UBAP2: variants seen among roughly 807,000 people sequenced by gnomAD.
The protein encoded by UBAP2 is ubiquitin-associated protein 2.
UBAP2 carries 75 observed loss-of-function variants against 139.6 expected under a neutral mutation model. The ratio of observed to expected loss-of-function variants is 0.54; its 90% CI spans 0.45 to 0.65. The LOEUF (loss-of-function observed/expected upper bound fraction) is 0.65, where lower values mean the gene tolerates loss of function less well. UBAP2 is among the 30% of genes least tolerant of loss of function. The probability of loss-of-function intolerance (pLI) is 0.00; values close to 1 mark genes in which losing one functional copy is unlikely to be tolerated. For missense variants in UBAP2, 1,368 were observed against 1,369.6 expected, an observed-to-expected ratio of 1.00 and a Z score of 0.02; for synonymous variants, 526 against 526.2, an observed-to-expected ratio of 1.00 and a Z score of 0.01.
chr9:34,022,105 C>T (rs562305323), intron 1 of UBAP2, among the ~76,000 whole-genome samples: 2 of 152,164 alleles, frequency 1.3e-5, no homozygotes, highest in African/African-American at 4.8e-5. Flanking sequence ...ATTAGCCGGG[C>T]ATGGTGGCGC....
intron 16 of UBAP2, among the ~76,000 whole-genome samples, chr9:33,939,419 G>A (rs915372041): frequency 6.6e-6 from 1 of 151,448 alleles, no homozygotes; most frequent in Non-Finnish European, 1.5e-5. Context: ...GGCTGGTCTC[G>A]AACTCCTGAT....
intron 4 of UBAP2, among the ~76,000 whole-genome samples, chr9:33,989,469 G>A (rs886375624): frequency 2.6e-5 from 4 of 152,016 alleles, no homozygotes; most frequent in Non-Finnish European, 5.9e-5. Flanking sequence ...CCAAAGTGCT[G>A]GGATTACAGG....
At chr9:34,032,649 T>G (rs371616879) in intron 1 of UBAP2, among the ~76,000 whole-genome samples, 3 of 152,112 alleles carry the variant, frequency 2.0e-5, no homozygotes, top group Admixed American at 6.6e-5. Flanking sequence ...TTAGGCTGGG[T>G]GTGGTGGCTC....
At chr9:33,976,148 C>T (rs1828327229) in intron 6 of UBAP2, among the ~76,000 whole-genome samples, 1 of 152,036 alleles carries the variant, frequency 6.6e-6, no homozygotes, top group Non-Finnish European at 1.5e-5. Flanking sequence ...AGAAATTCAG[C>T]TAATTAGCTC....
chr9:33,975,853 G>A (rs1436195431), intron 6 of UBAP2, among the ~76,000 whole-genome samples: 2 of 151,364 alleles, frequency 1.3e-5, no homozygotes, highest in Non-Finnish European at 2.9e-5. Context: ...GTAACAGTAT[G>A]GCAGTTCCTC....
At chr9:33,924,558 A>C (rs1823254428) in intron 22 of UBAP2, among the ~76,000 whole-genome samples, 2 of 152,254 alleles carry the variant, frequency 1.3e-5, no homozygotes, top group African/African-American at 4.8e-5. Flanking sequence ...TTGACACCAC[A>C]GGCAGGTGCT....
intron 2 of UBAP2, among the ~76,000 whole-genome samples, chr9:34,013,595 G>A (rs907065645): frequency 4.0e-5 from 6 of 151,888 alleles, no homozygotes; most frequent in Admixed American, 6.6e-5. Flanking sequence ...ACATCTTACC[G>A]GCAGGGCGTG....
chr9:34,042,457 G>A (rs115925851), intron 1 of UBAP2, among the ~76,000 whole-genome samples: 1,689 of 142,228 alleles, frequency 0.012, 37 homozygotes, highest in African/African-American at 0.042. Flanking sequence ...CAGCCCAGGC[G>A]ATAGTGCAAG....
chr9:33,940,169 T>TC (rs1189092721), intron 16 of UBAP2, among the ~76,000 whole-genome samples: 1 of 152,092 alleles, frequency 6.6e-6, no homozygotes, highest in African/African-American at 2.4e-5. Flanking sequence ...TGCAGGCAGA[T>TC]TTAATATGGG....
chr9:34,037,918 C>T (rs111712834), intron 1 of UBAP2, among the ~76,000 whole-genome samples: 2 of 147,140 alleles, frequency 1.4e-5, no homozygotes, highest in African/African-American at 5.0e-5. Flanking sequence ...ATAATCCCAA[C>T]ACTTTGGGAG....
At position 33,944,499 on chromosome 9, in the gene UBAP2, C is replaced by T. The variant is rs765366153; in HGVS notation, c.1411G>A (p.Gly471Arg). The T allele has an allele frequency of 1.1e-5, 18 of 1,614,060 alleles. No individual in the cohort carries two copies. Among genetic ancestry groups the T allele is most frequent in the Non-Finnish European group, 1.4e-5 (17 of 1,180,028 alleles). ...SQAKLRESTP[G>R]DSPSTVNKLL... ...TTGTTCACAGTGGAGGGACTGTCTC[C>T]AGGTGTTGATTCTCGAAGTTTTGCC... The change falls in exon 14 of 29, where the codon GGA becomes AGA. Residue 471 changes from glycine to arginine, a missense_variant. By Grantham distance (125) the Gly-to-Arg change is moderately radical. Transcript: ENST00000379238.
At position 33,980,318 on chromosome 9, in the gene UBAP2, C is replaced by T. The variant is rs552703555; in HGVS notation, c.520+6442G>A. Among the ~76,000 whole-genome samples, 7 of 132,822 alleles carry T rather than the reference C, an allele frequency of 5.3e-5. No homozygotes were observed. In the East Asian group the frequency reaches 7.6e-4, roughly 14 times the overall value. 87.1% of individuals were successfully genotyped at this position (132,822 alleles called of 152,430 possible). The stretch of plus-strand genomic sequence containing the variant: ...CGTGATCTCGGGTCACTACGAGCTC[C>T]GTCTCCCAGGTTCACGCCATTCTCC... On this transcript the variant is annotated intron_variant, in intron 6 of 28. Transcript: ENST00000379238.
intron 8 of UBAP2, among the ~76,000 whole-genome samples, chr9:33,970,289 C>T (rs1261068773): frequency 6.6e-6 from 1 of 151,850 alleles, no homozygotes; most frequent in South Asian, 2.1e-4. Context: ...AGAAGCTTAA[C>T]GATTTTACTA....
intron 6 of UBAP2, among the ~76,000 whole-genome samples, chr9:33,975,443 A>C (rs1184437141): frequency 5.1e-5 from 7 of 136,972 alleles, no homozygotes; most frequent in Admixed American, 3.6e-4. Flanking sequence ...AAAAAAAAAA[A>C]ACAAAAAAAA....
In UBAP2 at chr9:34,013,664, G is replaced by T. The variant is rs1823972700; in HGVS notation, c.99+3386C>A. On this transcript the variant is annotated intron_variant, in intron 2 of 28. Coordinates refer to ENST00000379238, the MANE Select transcript of UBAP2 (RefSeq NM_001370062.2). ...GGCCAAGGTGGGCGGATCACCTGAG[G>T]TCAGAAGTTTGAAACCAGCCTGGCC... 2.0e-5 allele frequency among the ~76,000 whole-genome samples: 3 copies of T among 151,966 alleles called. No homozygotes were observed. In the South Asian group the frequency reaches 6.2e-4, roughly 32 times the overall value.
At chr9:34,020,324 GA>G (rs1469099954) in intron 1 of UBAP2, among the ~76,000 whole-genome samples, 4 of 147,650 alleles carry the variant, frequency 2.7e-5, no homozygotes, top group South Asian at 2.2e-4. Context: ...CAGAGCCAAT[GA>G]TTTTTTTTTT....
intron 20 of UBAP2, among the ~76,000 whole-genome samples, chr9:33,927,407 A>G (rs968763188): frequency 1.3e-5 from 2 of 152,226 alleles, no homozygotes; most frequent in Non-Finnish European, 2.9e-5. Context: ...GAAGCCATGC[A>G]GTGCCAGGAG....
chr9:34,036,133 A>G (rs1266119862), intron 1 of UBAP2, among the ~76,000 whole-genome samples: 1 of 146,328 alleles, frequency 6.8e-6, no homozygotes, highest in Non-Finnish European at 1.5e-5. Context: ...TTTTTTTTTG[A>G]GACGGAGTTT....
intron 5 of UBAP2, among the ~76,000 whole-genome samples, chr9:33,987,047 A>C (rs1192133406): frequency 6.6e-6 from 1 of 152,072 alleles, no homozygotes; most frequent in East Asian, 1.9e-4. Flanking sequence ...CAGCACTTGT[A>C]ATTTCCAGCT....
Sources: gnomAD v4.1 joint callset for allele counts (sites outside exome capture counted in the v4.1 genomes callset) on GRCh38, gnomAD v4.1.1 for gene constraint, MANE v1.5 for transcripts, NCBI Gene and HGNC (gene_info 2026-07-23, HGNC 2026-07-21) for gene names.